SIL1: variants seen among roughly 807,000 people sequenced by gnomAD.
SIL1 encodes nucleotide exchange factor SIL1.
A neutral mutation model predicts 49.1 loss-of-function variants in SIL1; 40 were observed. That is an observed-to-expected ratio of 0.81 (90% confidence interval 0.63 to 1.06). SIL1 has a LOEUF of 1.06. Ranked by LOEUF, SIL1 falls within the 50% of genes least tolerant of loss-of-function variation. The probability of loss-of-function intolerance (pLI) is 0.00; values close to 1 mark genes in which losing one functional copy is unlikely to be tolerated. For missense variants in SIL1, 500 were observed against 572.6 expected (o/e 0.87, Z 1.29); for synonymous variants, 253 against 250.8 (o/e 1.01, Z -0.08).
intron 1 of SIL1, among the ~76,000 whole-genome samples, chr5:139,176,598 G>A (rs1227076088): frequency 6.6e-6 from 1 of 152,156 alleles, no homozygotes; most frequent in Non-Finnish European, 1.5e-5. Context: ...AGAACAAGAT[G>A]CCAACAGATT....
rs150350292 is a variant in SIL1 at position 139,015,700 on chromosome 5, G to A, written c.767+5471C>T. 3.0e-3 allele frequency among the ~76,000 whole-genome samples: 454 copies of A among 152,298 alleles called. 2 individuals carry two copies. The highest frequency in any genetic ancestry group is 4.3e-3 in the Non-Finnish European group (292 of 68,026). ...GAAGTGGGTAGGGTCTCCTTACTAT[G>A]TTATTATAAGAACAAAATCCTTCCC... On this transcript the variant is annotated intron_variant, in intron 7 of 9. Coordinates refer to ENST00000394817, the MANE Select transcript of SIL1 (RefSeq NM_022464.5).
chr5:138,992,587 A>G (rs1414320816), intron 7 of SIL1, among the ~76,000 whole-genome samples: 2 of 152,214 alleles, frequency 1.3e-5, no homozygotes, highest in African/African-American at 4.8e-5. Flanking sequence ...TCTTCTACAC[A>G]TAAGAAATAG....
intron 5 of SIL1, among the ~76,000 whole-genome samples, chr5:139,028,428 G>A (rs1581041859): frequency 6.6e-6 from 1 of 152,114 alleles, no homozygotes; most frequent in Non-Finnish European, 1.5e-5. Context: ...AACCCAGAAG[G>A]CAGAGGTTGC....
Position 139,026,961 on chromosome 5 carries a change from C to A in SIL1, c.485G>T (p.Arg162Leu). Reference sequence around the variant, plus strand: ...GTCTTTCTTCAGTTCCTCAATGGGGCGGAAGAGCCGCTTTACCTCAGCCTG... The same window carrying A: ...GTCTTTCTTCAGTTCCTCAATGGGGAGGAAGAGCCGCTTTACCTCAGCCTG... ...ARQAEVKRLF[R>L]PIEELKKDFD... is the part of the protein sequence containing the mutation. The change falls in exon 6 of 10, where the codon CGC becomes CTC. Residue 162 changes from arginine (R) to leucine (L), a missense_variant. Physicochemically the swap from Arg to Leu is moderately radical, Grantham distance 102. Coordinates refer to ENST00000394817, the MANE Select transcript of SIL1 (RefSeq NM_022464.5). The A allele has an allele frequency of 1.9e-6, 3 of 1,614,148 alleles. No homozygotes were observed. Among genetic ancestry groups the A allele is most frequent in the Non-Finnish European group, 2.5e-6 (3 of 1,180,036 alleles).
At chr5:139,096,033 A>C (rs1246492226) in intron 3 of SIL1, among the ~76,000 whole-genome samples, 1 of 152,190 alleles carries the variant, frequency 6.6e-6, no homozygotes, top group Non-Finnish European at 1.5e-5. Context: ...GTGTCGCTGA[A>C]AGACGCACTG....
chr5:139,119,196 G>A (rs1750553863), intron 3 of SIL1, among the ~76,000 whole-genome samples: 1 of 152,192 alleles, frequency 6.6e-6, no homozygotes, highest in Non-Finnish European at 1.5e-5. Context: ...GTCTCTCAGA[G>A]TCCACAGTCC....
At chr5:139,055,710 T>C (rs10037102) in intron 3 of SIL1, among the ~76,000 whole-genome samples, 60,130 of 142,332 alleles carry the variant, frequency 0.42, 13,256 homozygotes, top group African/African-American at 0.58. Context: ...ACGGTCTCCC[T>C]CTGATGCCTA....
At chr5:139,021,122 G>C (rs1768515991) in intron 7 of SIL1, 49 bp downstream of exon 7, 1 of 1,613,444 alleles carries the variant, frequency 6.2e-7, no homozygotes, top group African/African-American at 1.3e-5. Flanking sequence ...CTTCCAAGCA[G>C]ATCAGGCCAA....
At chr5:139,112,147 C>T (rs1770865626) in intron 3 of SIL1, among the ~76,000 whole-genome samples, 1 of 152,256 alleles carries the variant, frequency 6.6e-6, no homozygotes, top group Non-Finnish European at 1.5e-5. Context: ...TCACTCAGTG[C>T]TCAATGTTGC....
chr5:138,984,800 C>T (rs1212338452), intron 7 of SIL1, among the ~76,000 whole-genome samples: 2 of 152,172 alleles, frequency 1.3e-5, no homozygotes, highest in African/African-American at 4.8e-5. Context: ...AGGGCCCAAG[C>T]TAGGGTGTGG....
At chr5:139,187,679 G>A (rs190206925) in intron 1 of SIL1, 9 of 150,402 alleles carry the variant, frequency 6.0e-5, no homozygotes, top group Admixed American at 6.0e-4. Flanking sequence ...TAAAATGGTA[G>A]GATGGGTATA....
chr5:139,191,619 T>TAA (rs202242246), intron 1 of SIL1, among the ~76,000 whole-genome samples: 6 of 140,032 alleles, frequency 4.3e-5, no homozygotes, highest in African/African-American at 5.3e-5. Context: ...CCTGTCTCTT[T>TAA]AAAAAAAAAA....
intron 1 of SIL1, among the ~76,000 whole-genome samples, chr5:139,132,422 A>C (rs1750883663): frequency 6.6e-6 from 1 of 152,206 alleles, no homozygotes. Context: ...TCACAAGTGG[A>C]TCCTTCATCT....
intron 1 of SIL1, among the ~76,000 whole-genome samples, chr5:139,150,707 G>A (rs993888227): frequency 5.3e-5 from 8 of 152,194 alleles, no homozygotes; most frequent in Admixed American, 5.2e-4. Context: ...TTCTTCGGTT[G>A]AAGAGAGGCA....
chr5:139,029,601 A>C (rs192725307), intron 5 of SIL1, among the ~76,000 whole-genome samples: 56 of 151,824 alleles, frequency 3.7e-4, no homozygotes, highest in Admixed American at 2.4e-3. Flanking sequence ...TCCTGGACTC[A>C]AGTGATCCTT....
At chr5:139,196,207 T>G (rs1375146161) in intron 1 of SIL1, among the ~76,000 whole-genome samples, 1 of 151,994 alleles carries the variant, frequency 6.6e-6, no homozygotes, top group Non-Finnish European at 1.5e-5. Context: ...ATAATAATAA[T>G]AATACAGTAT....
At position 139,098,621 on chromosome 5, in the gene SIL1, C is replaced by A. The variant is rs550529388; in HGVS notation, c.244+22414G>T. Among the ~76,000 whole-genome samples the A allele has an allele frequency of 1.3e-4, 20 of 152,112 alleles. No individual in the cohort carries two copies. The East Asian group carries it at 3.9e-3, about 29-fold the overall frequency. ...ATCATATCAAATTAAAAAGCTTCTG[C>A]ACAGCAAAGGAAACAATCGACAAGG... On this transcript the variant is annotated intron_variant, in intron 3 of 9. Transcript: ENST00000394817.
rs60336598 is a variant in SIL1 at position 139,110,169 on chromosome 5, GA to G, written c.244+10865del. 8.3e-3 allele frequency among the ~76,000 whole-genome samples: 994 copies of G among 119,582 alleles called. 2 individuals are homozygous for G. The highest frequency in any genetic ancestry group is 0.024 in the African/African-American group (784 of 32,266). The allele number at this position is 119,582 out of a possible 152,430, so 78.5% of individuals were successfully genotyped here. On this transcript the variant is annotated intron_variant, in intron 3 of 9. Coordinates refer to ENST00000394817, the MANE Select transcript of SIL1 (RefSeq NM_022464.5). ...GGGTGACAGAGCAAGACTCTGTCTC[GA>G]AAAAAAAAAAAAAGAAGAGCCTGAA...
intron 7 of SIL1, among the ~76,000 whole-genome samples, chr5:138,971,915 T>C (rs1238188248): frequency 6.6e-6 from 1 of 152,094 alleles, no homozygotes; most frequent in Non-Finnish European, 1.5e-5. Flanking sequence ...CTCACTGGGC[T>C]CCAACCAACA....
Sources: allele counts gnomAD v4.1 joint callset (sites outside exome capture counted in the v4.1 genomes callset), GRCh38; gene constraint gnomAD v4.1.1; transcripts MANE v1.5; gene names NCBI Gene and HGNC (gene_info 2026-07-23, HGNC 2026-07-21).